Variants in PDE1C observed in about 807,000 individuals in gnomAD.
PDE1C encodes the protein dual specificity calcium/calmodulin-dependent 3',5'-cyclic nucleotide phosphodiesterase 1C.
In PDE1C, 62 loss-of-function variants were observed where a neutral mutation model predicts 93.1. The observed-to-expected ratio is 0.67, with a 90% CI of 0.54 to 0.82. The LOEUF is 0.82. PDE1C is among the 40% of genes least tolerant of loss of function. The pLI, the probability that PDE1C is intolerant of heterozygous loss-of-function variation, is 0.00. For synonymous variants in PDE1C, 325 were observed against 310.1 expected, an observed-to-expected ratio of 1.05 and a Z score of -0.50; for missense variants, 742 against 884.6, an observed-to-expected ratio of 0.84 and a Z score of 2.04.
At chr7:31,662,245 T>C in the PDE1C span, among the ~76,000 whole-genome samples, 3 of 152,216 alleles carry the variant, frequency 2.0e-5, no homozygotes, top group African/African-American at 7.2e-5. Context: ...CGCTAAAATG[T>C]CCTTAAATGG....
At chr7:32,363,630 A>G (rs971838595) in intron 1 of PDE1C, among the ~76,000 whole-genome samples, 4 of 152,262 alleles carry the variant, frequency 2.6e-5, no homozygotes, top group African/African-American at 7.2e-5. Context: ...ATGGATCAGA[A>G]TGATGCATAA....
At chr7:32,420,869 A>T (rs149529899) in intron 1 of PDE1C, among the ~76,000 whole-genome samples, 1 of 152,116 alleles carries the variant, frequency 6.6e-6, no homozygotes, top group Non-Finnish European at 1.5e-5. Flanking sequence ...TCAATGTGAG[A>T]GTCCGTTTTC....
chr7:31,787,837 ATTACT>A (rs746859355), intron 16 of PDE1C: 1 of 152,244 alleles, frequency 6.6e-6, no homozygotes, highest in Non-Finnish European at 1.5e-5. Flanking sequence ...ATTTGGAATA[ATTACT>A]TTAATGTTTT....
chr7:32,103,237 T>TAAA (rs960691098), intron 3 of PDE1C, among the ~76,000 whole-genome samples: 18 of 152,048 alleles, frequency 1.2e-4, no homozygotes, highest in Non-Finnish European at 2.1e-4. Context: ...GGGGAGAAGG[T>TAAA]AAAATATGGC....
intron 2 of PDE1C, among the ~76,000 whole-genome samples, chr7:31,972,047 C>A (rs560687628): frequency 6.6e-6 from 1 of 152,156 alleles, no homozygotes; most frequent in African/African-American, 2.4e-5. Context: ...TCTTGCCTAA[C>A]CCTGGCTGAT....
chr7:32,285,758 G>T (rs956825152), intron 1 of PDE1C, among the ~76,000 whole-genome samples: 2 of 146,100 alleles, frequency 1.4e-5, no homozygotes, highest in Non-Finnish European at 3.0e-5. Context: ...AGAGAAGAGA[G>T]GGGGGAGAGA....
chr7:32,177,759 C>A (rs989643855), intron 2 of PDE1C, among the ~76,000 whole-genome samples: 1 of 152,186 alleles, frequency 6.6e-6, no homozygotes, highest in Non-Finnish European at 1.5e-5. Context: ...CCCTGTATGG[C>A]CCACATGGTA....
Position 31,779,586 on chromosome 7 carries a change from T to A in PDE1C, c.1892-3854A>T, listed in dbSNP as rs1239200711. 2.0e-5 allele frequency among the ~76,000 whole-genome samples: 3 copies of A among 152,168 alleles called. No homozygotes were observed. In the East Asian group the frequency reaches 5.8e-4, roughly 29 times the overall value. The stretch of plus-strand genomic sequence containing the variant: ...TATTTTCTCTGTTAGCTTGGTGAGA[T>A]GCCCAATATATCAGGACAGGGATGA... On this transcript the variant is annotated intron_variant, in intron 16 of 17. Coordinates refer to ENST00000396191, the MANE Select transcript of PDE1C (RefSeq NM_001191057.4).
At chr7:32,418,122 G>A (rs1227315286) in intron 1 of PDE1C, among the ~76,000 whole-genome samples, 1 of 152,164 alleles carries the variant, frequency 6.6e-6, no homozygotes. Flanking sequence ...CCAAAGTGCT[G>A]GGACTACAGA....
chr7:32,427,675 C>A (rs964136521), intron 1 of PDE1C, among the ~76,000 whole-genome samples: 1 of 152,194 alleles, frequency 6.6e-6, no homozygotes, highest in African/African-American at 2.4e-5. Flanking sequence ...CTATTCAACC[C>A]AGAAATCAAT....
intron 3 of PDE1C, among the ~76,000 whole-genome samples, chr7:32,091,850 A>G (rs1454331422): frequency 6.6e-6 from 1 of 152,194 alleles, no homozygotes; most frequent in Admixed American, 6.5e-5. Context: ...AGAATAGACC[A>G]TGATAGGGGC....
intron 1 of PDE1C, among the ~76,000 whole-genome samples, chr7:32,225,315 T>C (rs1807180404): frequency 6.6e-6 from 1 of 151,962 alleles, no homozygotes; most frequent in African/African-American, 2.4e-5. Context: ...CTACACAGGT[T>C]CATTTTTATT....
intron 16 of PDE1C, 77 bp downstream of exon 16, chr7:31,808,954 A>C: frequency 1.2e-6 from 1 of 820,796 alleles, no homozygotes; most frequent in Non-Finnish European, 2.1e-6. Context: ...CACTATTTCA[A>C]TTTTGGGTAT....
intron 1 of PDE1C, among the ~76,000 whole-genome samples, chr7:32,058,207 CT>C (rs2128703382): frequency 6.6e-6 from 1 of 152,314 alleles, no homozygotes; most frequent in South Asian, 2.1e-4. Flanking sequence ...ATGACTCACT[CT>C]TCTCCAAGTC....
At chr7:31,681,952 G>C in the PDE1C span, among the ~76,000 whole-genome samples, 2 of 152,172 alleles carry the variant, frequency 1.3e-5, no homozygotes, top group African/African-American at 2.4e-5. Flanking sequence ...TCCCTTAACT[G>C]TATGTATTCT....
Position 32,092,315 on chromosome 7 carries a change from T to C in PDE1C, c.308+77470A>G, listed in dbSNP as rs116030872. Among the ~76,000 whole-genome samples, 1,019 of 152,292 alleles carry C rather than the reference T, an allele frequency of 6.7e-3. 9 individuals are homozygous for C. The highest frequency in any genetic ancestry group is 0.023 in the African/African-American group (969 of 41,546). On this transcript the variant is annotated intron_variant, in intron 3 of 18. Coordinates refer to the PDE1C transcript ENST00000396193. ...TGTTCCCTCCCTTCATGTCGGAGGC[T>C]GCATAATCTTCTCTCCTGCACTACT...
intron 2 of PDE1C, among the ~76,000 whole-genome samples, chr7:31,932,768 A>C (rs569186742): frequency 7.9e-5 from 12 of 151,678 alleles, no homozygotes; most frequent in Non-Finnish European, 1.5e-4. Flanking sequence ...ATGCGCACAT[A>C]TGTTTACTGC....
At chr7:32,343,453 TGAGCCCAGCCCACTCCACAG>T (rs1411880916) in intron 1 of PDE1C, among the ~76,000 whole-genome samples, 1 of 152,164 alleles carries the variant, frequency 6.6e-6, no homozygotes, top group African/African-American at 2.4e-5. Context: ...ACACCAAAGG[TGAGCCCAGCCCACTCCACAG>T]GGAGAATTAG....
chr7:32,062,158 C>T (rs1794887723), intron 1 of PDE1C, among the ~76,000 whole-genome samples: 1 of 152,282 alleles, frequency 6.6e-6, no homozygotes, highest in African/African-American at 2.4e-5. Flanking sequence ...CAAACATGTT[C>T]CTCCCTTAGT....
Sources: gnomAD v4.1 joint callset for allele counts (sites outside exome capture counted in the v4.1 genomes callset) on GRCh38, gnomAD v4.1.1 for gene constraint, MANE v1.5 for transcripts, NCBI Gene and HGNC (gene_info 2026-07-23, HGNC 2026-07-21) for gene names.